DNAH11: variants seen among roughly 807,000 people sequenced by gnomAD.
DNAH11 encodes axonemal beta dynein heavy chain 11.
In DNAH11, 442 loss-of-function variants were observed where a neutral mutation model predicts 526.0. That is an observed-to-expected ratio of 0.84 (90% CI 0.78 to 0.91). The LOEUF is 0.91. DNAH11 is among the 40% of genes least tolerant of loss of function. The probability of loss-of-function intolerance (pLI) is 0.00; values close to 1 mark genes in which losing one functional copy is unlikely to be tolerated. For missense variants in DNAH11, 6,989 were observed against 5,448.7 expected (o/e 1.28, Z -8.90); for synonymous variants, 2,461 against 1,935.9 (o/e 1.27, Z -7.12).
rs191306656 is a variant in DNAH11 at position 21,809,813 on chromosome 7, G to A, written c.10332+1764G>A. The stretch of plus-strand genomic sequence containing the variant: ...ACTCCTGACCTCAGGTGATTCACCC[G>A]CCTCAGCCTCCCAAAATGCTGGAAT... On this transcript the variant is annotated intron_variant, in intron 63 of 81. Transcript: ENST00000409508. 9.4e-3 allele frequency among the ~76,000 whole-genome samples: 1,435 copies of A among 152,150 alleles called. 36 individuals carry two copies. Among genetic ancestry groups the A allele is most frequent in the African/African-American group, 0.031 (1,274 of 41,516 alleles).
In DNAH11 at chr7:21,894,734, G is replaced by T; in HGVS notation, c.12862G>T (p.Glu4288Ter). Residue 4288 changes from glutamate (E) to a stop codon, truncating the protein, a stop_gained, in exon 78 of 82, where the codon GAA (glutamate) becomes TAA (stop). Transcript: ENST00000409508. LOFTEE classifies it high-confidence loss of function. ...RSPYVLVCFQ[E>*]CERMNILIRE... ...CCCATATGTTCTTGTTTGCTTCCAA[G>T]AATGTGAGAGGATGAATATTCTCAT... The T allele has an allele frequency of 6.2e-7, 1 of 1,613,068 alleles. No homozygotes were observed. The highest frequency in any genetic ancestry group is 8.5e-7 in the Non-Finnish European group (1 of 1,179,674).
intron 65 of DNAH11, among the ~76,000 whole-genome samples, chr7:21,819,968 A>G (rs887182778): frequency 1.3e-5 from 2 of 152,210 alleles, no homozygotes; most frequent in African/African-American, 4.8e-5. Flanking sequence ...ATCTGTTAAG[A>G]ATGTAACAAA....
chr7:21,794,408 T>C (rs1014082624), intron 61 of DNAH11, among the ~76,000 whole-genome samples: 2 of 152,156 alleles, frequency 1.3e-5, no homozygotes, highest in African/African-American at 4.8e-5. Flanking sequence ...TGCTTAGAGG[T>C]TATTTGTAGT....
chr7:21,670,864 G>C (rs1286134269), intron 30 of DNAH11, among the ~76,000 whole-genome samples: 1 of 144,044 alleles, frequency 6.9e-6, no homozygotes, highest in Non-Finnish European at 1.5e-5. Context: ...CTTTAAGTGT[G>C]TACGTGTGTG....
chr7:21,602,855 A>G (rs571547327), intron 18 of DNAH11, among the ~76,000 whole-genome samples: 2 of 152,164 alleles, frequency 1.3e-5, no homozygotes, highest in African/African-American at 4.8e-5. Flanking sequence ...GCTCCCATCA[A>G]TTTCTGTTTT....
At chr7:21,577,725 G>A (rs375472671) in intron 8 of DNAH11, among the ~76,000 whole-genome samples, 16 of 152,210 alleles carry the variant, frequency 1.1e-4, no homozygotes, top group African/African-American at 3.4e-4. Context: ...ATCAGAGAAA[G>A]TCAGCAAAAA....
chr7:21,701,289 C>CTTTTTTTTTTTTTTTTTTTAT (rs61172341), intron 36 of DNAH11, among the ~76,000 whole-genome samples: 1 of 136,572 alleles, frequency 7.3e-6, no homozygotes, highest in Non-Finnish European at 1.6e-5. Context: ...ACACTTTTTA[C>CTTTTTTTTTTTTTTTTTTTAT]TTTTTTTTTT....
At chr7:21,656,653 C>G (rs930162519) in intron 29 of DNAH11, among the ~76,000 whole-genome samples, 5 of 152,146 alleles carry the variant, frequency 3.3e-5, no homozygotes, top group Non-Finnish European at 5.9e-5. Flanking sequence ...GCTTGCGTAG[C>G]TTGGGTTAAT....
intron 21 of DNAH11, 78 bp downstream of exon 21, chr7:21,615,350 C>G: frequency 6.6e-7 from 1 of 1,509,036 alleles, no homozygotes; most frequent in Non-Finnish European, 8.9e-7. Context: ...CTATATTATT[C>G]TATTTGGGTT....
At chr7:21,556,694 G>A (rs941692274) in intron 2 of DNAH11, among the ~76,000 whole-genome samples, 2 of 152,110 alleles carry the variant, frequency 1.3e-5, no homozygotes, top group African/African-American at 4.8e-5. Context: ...CCCTCAAGAA[G>A]GCCACAGTGT....
chr7:21,688,793 A>G (rs1783492329), intron 34 of DNAH11, among the ~76,000 whole-genome samples: 2 of 151,788 alleles, frequency 1.3e-5, no homozygotes, highest in South Asian at 2.1e-4. Context: ...AAAAAGCAAA[A>G]CACAGCTGGC....
At chr7:21,626,276 C>T (rs905637764) in intron 25 of DNAH11, among the ~76,000 whole-genome samples, 2 of 152,154 alleles carry the variant, frequency 1.3e-5, no homozygotes, top group African/African-American at 4.8e-5. Flanking sequence ...ATCCACATAG[C>T]TGCAAATGAC....
In DNAH11 at chr7:21,738,670, A is replaced by T. The variant is rs1205557010; in HGVS notation, c.7646-31A>T. On this transcript the variant is annotated intron_variant, in intron 46 of 81. Transcript: ENST00000409508. ...CTAAATGAACATTTACATTCTGTTG[A>T]TGGGTGGACAGAAATATATGTTTAT... 4.6e-6 allele frequency: 7 copies of T among 1,530,256 alleles called. No individual in the cohort carries two copies. The Admixed American group carries it at 1.1e-4, about 24-fold the overall frequency. The allele number at this position is 1,530,256 out of a possible 1,614,324, so 94.8% of individuals were successfully genotyped here.
chr7:21,663,667 C>CA (rs1782319166), intron 30 of DNAH11, among the ~76,000 whole-genome samples: 1 of 151,700 alleles, frequency 6.6e-6, no homozygotes, highest in Non-Finnish European at 1.5e-5. Context: ...ATTCCACATA[C>CA]AAGTGAGATC....
chr7:21,634,999 T>C (rs867562886), intron 25 of DNAH11, among the ~76,000 whole-genome samples: 3 of 152,240 alleles, frequency 2.0e-5, no homozygotes, highest in Middle Eastern at 3.4e-3. Context: ...ATTATAGCAT[T>C]CTTTTCAAAA....
intron 2 of DNAH11, among the ~76,000 whole-genome samples, chr7:21,549,967 G>C (rs1368883376): frequency 6.6e-6 from 1 of 152,094 alleles, no homozygotes; most frequent in Non-Finnish European, 1.5e-5. Flanking sequence ...GATTGAGTAG[G>C]GGGGAGTCCC....
intron 18 of DNAH11, among the ~76,000 whole-genome samples, chr7:21,604,263 C>G (rs1436298710): frequency 2.0e-5 from 3 of 152,134 alleles, no homozygotes; most frequent in Non-Finnish European, 2.9e-5. Flanking sequence ...TGGAGCATCT[C>G]TTCAGTCTTT....
At chr7:21,645,997 A>G (rs1000443489) in intron 28 of DNAH11, among the ~76,000 whole-genome samples, 10 of 152,338 alleles carry the variant, frequency 6.6e-5, no homozygotes, top group African/African-American at 2.2e-4. Context: ...TGCTCTTAAG[A>G]GAATAACAAT....
chr7:21,674,635 C>T (rs1782794295), intron 30 of DNAH11, among the ~76,000 whole-genome samples: 1 of 151,976 alleles, frequency 6.6e-6, no homozygotes, highest in Non-Finnish European at 1.5e-5. Flanking sequence ...TTTCTTTTTC[C>T]TTCCCTTTTC....
Sources: gnomAD v4.1 joint callset for allele counts (sites outside exome capture counted in the v4.1 genomes callset) on GRCh38, gnomAD v4.1.1 for gene constraint, MANE v1.5 for transcripts, NCBI Gene and HGNC (gene_info 2026-07-23, HGNC 2026-07-21) for gene names.